FBH1: variants seen among roughly 807,000 people sequenced by gnomAD.
FBH1 encodes the protein F-box DNA helicase 1.
In FBH1, 43 loss-of-function variants were observed where a neutral mutation model predicts 115.5. The ratio of observed to expected loss-of-function variants is 0.37; its 90% CI spans 0.29 to 0.48. The LOEUF is 0.48. FBH1 is among the 20% of genes least tolerant of loss of function. The pLI is 0.99. For synonymous variants in FBH1, 524 were observed against 507.8 expected, an observed-to-expected ratio of 1.03 and a Z score of -0.43; for missense variants, 1,001 against 1,337.3, an observed-to-expected ratio of 0.75 and a Z score of 3.92.
Position 5,900,455 on chromosome 10 carries a change from G to A in FBH1, c.2-2565G>A, listed in dbSNP as rs114206180. Among the ~76,000 whole-genome samples, 1,169 of 152,268 alleles carry A rather than the reference G, an allele frequency of 7.7e-3. 14 individuals are homozygous for A. The highest frequency in any genetic ancestry group is 0.027 in the African/African-American group (1,115 of 41,554). ...CCAGCCCTCCCGCCAGGCCCTCGCC[G>A]GCTCACCACGCTGCGCTGTGCTGCT... On this transcript the variant is annotated intron_variant, in intron 1 of 20. Coordinates refer to ENST00000362091, the MANE Select transcript of FBH1 (RefSeq NM_178150.3). The surrounding 1 kb of genome is among the most constrained non-coding windows in gnomAD (Gnocchi z 4.2).
Position 5,911,830 on chromosome 10 carries a change from A to G in FBH1, c.1211+702A>G, listed in dbSNP as rs183268463. Among the ~76,000 whole-genome samples the G allele has an allele frequency of 1.1e-4, 17 of 152,264 alleles. No homozygotes were observed. The highest frequency in any genetic ancestry group is 3.4e-4 in the African/African-American group (14 of 41,556). On this transcript the variant is annotated intron_variant, in intron 6 of 20. Transcript: ENST00000362091. The surrounding 1 kb of genome is among the most constrained non-coding windows in gnomAD (Gnocchi z 5.4). ...TGAATGCTGCTTTAGAGGGGTGGAA[A>G]AAGCTTCTCTGAGCAGGTAGTGTCT...
At position 5,890,312 on chromosome 10, in the gene FBH1, G is replaced by T; in HGVS notation, c.-34G>T. The T allele has an allele frequency of 2.7e-6, 1 of 376,612 alleles. No individual in the cohort carries two copies. The highest frequency in any genetic ancestry group is 4.0e-5 in the East Asian group (1 of 24,960). The allele number at this position is 376,612 out of a possible 1,614,324, so 23.3% of individuals were successfully genotyped here. A position where few individuals can be genotyped will look rare whatever the true frequency, so the allele number is the denominator to read the frequency against. ...AGCGGCCGGCGGCGCGGGCCCGGCGGCGGCGGCAGCGGGGTCCGGGTCCGG... is the reference window on the plus strand; with the variant it reads ...AGCGGCCGGCGGCGCGGGCCCGGCGTCGGCGGCAGCGGGGTCCGGGTCCGG... On this transcript the variant is annotated 5_prime_UTR_variant, in exon 1 of 21. Transcript: ENST00000362091.
At position 5,910,891 on chromosome 10, in the gene FBH1, C is replaced by T. The variant is rs7067928; in HGVS notation, c.1021-47C>T. 0.31 allele frequency: 469,085 copies of T among 1,536,190 alleles called. 76,423 individuals are homozygous for T. Among genetic ancestry groups the T allele is most frequent in the Middle Eastern group, 0.35 (1,718 of 4,910 alleles). On this transcript the variant is annotated intron_variant, in intron 5 of 20. Transcript: ENST00000362091. The surrounding 1 kb of genome is among the most constrained non-coding windows in gnomAD (Gnocchi z 4.8). ...TCCTTCCTGCTGTGATTCGTATTAA[C>T]CATGGCCTGTGGGCTGTCCCTCCCT...
chr10:5,917,826 C>G lies in FBH1; in HGVS notation c.1963+150C>G. ...ACTTACCTTAGGATTTCAAGCTGCCCCTTCCCCTCACCCAAGCAGATTTCT... is the reference window on the plus strand; with the variant it reads ...ACTTACCTTAGGATTTCAAGCTGCCGCTTCCCCTCACCCAAGCAGATTTCT... On this transcript the variant is annotated intron_variant, in intron 12 of 20. Transcript: ENST00000362091. The surrounding 1 kb of genome is among the most constrained non-coding windows in gnomAD (Gnocchi z 5.6). 1 of 715,946 alleles carries G rather than the reference C, an allele frequency of 1.4e-6. No individual in the cohort carries two copies. The allele number at this position is 715,946 out of a possible 1,614,324, so 44.3% of individuals were successfully genotyped here.
chr10:5,934,178 TA>T (rs1436081846), intron 19 of FBH1: 2 of 152,194 alleles, frequency 1.3e-5, no homozygotes, highest in African/African-American at 2.4e-5. Context: ...CCTAGAACGA[TA>T]AGCCCCTTTA....
At position 5,906,029 on chromosome 10, in the gene FBH1, C is replaced by G; in HGVS notation, c.158-8C>G. 6.3e-7 allele frequency: 1 copy of G among 1,596,362 alleles called. No individual in the cohort carries two copies. The highest frequency in any genetic ancestry group is 1.7e-4 in the Middle Eastern group (1 of 6,014). ...TTCTTGTCCATCCTGTTTGGGTTCT[C>G]TCTACAGGTCAGGGAAGTCAAAGAT... On this transcript the variant is annotated splice_polypyrimidine_tract_variant and splice_region_variant and intron_variant, in intron 2 of 20. Transcript: ENST00000362091. The surrounding 1 kb of genome is among the most constrained non-coding windows in gnomAD (Gnocchi z 7.3).
Position 5,925,182 on chromosome 10 carries a change from CT to C in FBH1, c.2597-179del. 1 of 706,018 alleles carries C rather than the reference CT, an allele frequency of 1.4e-6. No homozygotes were observed. Among genetic ancestry groups the C allele is most frequent in the African/African-American group, 1.8e-5 (1 of 54,906 alleles). The allele number at this position is 706,018 out of a possible 1,614,324, so 43.7% of individuals were successfully genotyped here. Reference sequence around the variant, plus strand: ...TTTCGACTTTTCCCCTCGTCTTTTTCTTTTTTCTGTTCCCGACAGTTGTCTG... The same window carrying C: ...TTTCGACTTTTCCCCTCGTCTTTTTCTTTTTCTGTTCCCGACAGTTGTCTG... On this transcript the variant is annotated intron_variant, in intron 17 of 20. Transcript: ENST00000362091. This position sits in a 1 kb window ranked among gnomAD's most constrained non-coding sequence, Gnocchi z 4.6.
chr10:5,923,605 CA>C lies in FBH1; in HGVS notation c.2323-10del. On this transcript the variant is annotated splice_polypyrimidine_tract_variant and intron_variant, in intron 15 of 20. Coordinates refer to ENST00000362091, the MANE Select transcript of FBH1 (RefSeq NM_178150.3). This position sits in a 1 kb window ranked among gnomAD's most constrained non-coding sequence, Gnocchi z 5.7. ...AACAACAAAAAAACAAAAATCCCAC[CA>C]AAAAACTTTTTCAGGGGATTAAATC... 3.1e-6 allele frequency: 5 copies of C among 1,602,158 alleles called. No individual in the cohort carries two copies. The South Asian group carries it at 4.5e-5, about 15-fold the overall frequency.
chr10:5,925,357 T>G lies in FBH1; in HGVS notation c.2597-10T>G. ...AGCACCATCTAACGTGTGCTGTGTTTTTATCCTAGAGTACATTCTGGGCAC... is the reference window on the plus strand; with the variant it reads ...AGCACCATCTAACGTGTGCTGTGTTGTTATCCTAGAGTACATTCTGGGCAC... On this transcript the variant is annotated splice_polypyrimidine_tract_variant and intron_variant, in intron 17 of 20. Transcript: ENST00000362091. The surrounding 1 kb of genome is among the most constrained non-coding windows in gnomAD (Gnocchi z 4.6). The G allele has an allele frequency of 6.2e-7, 1 of 1,613,812 alleles. No individual in the cohort carries two copies. The highest frequency in any genetic ancestry group is 1.3e-5 in the African/African-American group (1 of 75,026).
At chr10:5,930,174 C>T (rs1471036519) in intron 19 of FBH1, among the ~76,000 whole-genome samples, 1 of 152,228 alleles carries the variant, frequency 6.6e-6, no homozygotes, top group Non-Finnish European at 1.5e-5. Flanking sequence ...CCCATAACTA[C>T]CATGCCATTT....
intron 3 of FBH1, among the ~76,000 whole-genome samples, chr10:5,907,852 T>C (rs924868931): frequency 2.6e-5 from 4 of 152,350 alleles, no homozygotes; most frequent in South Asian, 4.1e-4. Context: ...TTACATTCCA[T>C]TGTGATTTAA....
rs914099939 is a variant in FBH1, at chr10:5,910,762, C to T, written c.1021-176C>T. 3.9e-5 allele frequency among the ~76,000 whole-genome samples: 6 copies of T among 152,206 alleles called. No individual in the cohort carries two copies. Among genetic ancestry groups the T allele is most frequent in the Non-Finnish European group, 7.3e-5 (5 of 68,042 alleles). ...AAAAGTGATGAGAAGGAGTCCAGGGCGAACAGAAGGGCTCCCCTGTTTCCC... is the reference window on the plus strand; with the variant it reads ...AAAAGTGATGAGAAGGAGTCCAGGGTGAACAGAAGGGCTCCCCTGTTTCCC... On this transcript the variant is annotated intron_variant, in intron 5 of 20. Transcript: ENST00000362091. This position sits in a 1 kb window ranked among gnomAD's most constrained non-coding sequence, Gnocchi z 4.8.
chr10:5,890,769 T>C (rs1411595851), intron 1 of FBH1, among the ~76,000 whole-genome samples: 2 of 151,866 alleles, frequency 1.3e-5, no homozygotes, highest in African/African-American at 4.8e-5. Flanking sequence ...ATCGGTAGCT[T>C]CTCTGCCCCT....
rs1028481205 is a variant in FBH1 at position 5,936,384 on chromosome 10, C to A, written c.2830-72C>A. On this transcript the variant is annotated intron_variant, in intron 19 of 20. Transcript: ENST00000362091. The surrounding 1 kb of genome is among the most constrained non-coding windows in gnomAD (Gnocchi z 5.6). Reference sequence around the variant, plus strand: ...ATCTAAAGGGTTCTCACAGAGCCGCCGCTATCAGTGTTTCCAGTAGACCCT... The same window carrying A: ...ATCTAAAGGGTTCTCACAGAGCCGCAGCTATCAGTGTTTCCAGTAGACCCT... 1.5e-5 allele frequency: 24 copies of A among 1,563,638 alleles called. No homozygotes were observed. Among genetic ancestry groups the A allele is most frequent in the Non-Finnish European group, 2.1e-5 (24 of 1,146,800 alleles).
chr10:5,897,699 G>A lies in FBH1; in HGVS notation c.2-5321G>A, dbSNP rs940333034. ...GTCTAAGCGCCCCTCCCCCGGTACC[G>A]AACCTCAGTTCCTCCCAGGGTGGCT... On this transcript the variant is annotated intron_variant, in intron 1 of 20. Transcript: ENST00000362091. This position sits in a 1 kb window ranked among gnomAD's most constrained non-coding sequence, Gnocchi z 4.7. Among the ~76,000 whole-genome samples, 2 of 152,036 alleles carry A rather than the reference G, an allele frequency of 1.3e-5. No individual in the cohort carries two copies. The highest frequency in any genetic ancestry group is 6.6e-5 in the Admixed American group (1 of 15,260).
At position 5,909,772 on chromosome 10, in the gene FBH1, C is replaced by G. The variant is rs1466748623; in HGVS notation, c.1020+478C>G. On this transcript the variant is annotated intron_variant, in intron 5 of 20. Coordinates refer to ENST00000362091, the MANE Select transcript of FBH1 (RefSeq NM_178150.3). This position sits in a 1 kb window ranked among gnomAD's most constrained non-coding sequence, Gnocchi z 4.4. ...TGCTCCTTTTCCAGTTCAGGGATTC[C>G]CAGATTTTATCTTCGAAGCTACGTG... is the stretch of plus-strand genomic sequence containing the variant. Among the ~76,000 whole-genome samples, 1 of 152,152 alleles carries G rather than the reference C, an allele frequency of 6.6e-6. No homozygotes were observed. Among genetic ancestry groups the G allele is most frequent in the East Asian group, 1.9e-4 (1 of 5,200 alleles).
Position 5,925,642 on chromosome 10 carries a change from C to T in FBH1, c.2722+150C>T. ...ACTAAACCACAAAACACCTCCTAGT[C>T]CTAAACTTTTGATTCTTATACTGTG... On this transcript the variant is annotated intron_variant, in intron 18 of 20. Coordinates refer to ENST00000362091, the MANE Select transcript of FBH1 (RefSeq NM_178150.3). This position sits in a 1 kb window ranked among gnomAD's most constrained non-coding sequence, Gnocchi z 4.6. 8.4e-7 allele frequency: 1 copy of T among 1,189,986 alleles called. No individual in the cohort carries two copies. The highest frequency in any genetic ancestry group is 1.2e-6 in the Non-Finnish European group (1 of 855,670). The allele number at this position is 1,189,986 out of a possible 1,614,324, so 73.7% of individuals were successfully genotyped here.
At chr10:5,894,498 C>T (rs1006904770) in intron 1 of FBH1, 51 of 1,075,900 alleles carry the variant, frequency 4.7e-5, no homozygotes, top group Non-Finnish European at 6.2e-5. Context: ...TCATGAGCTA[C>T]GAGGTGACTT....
chr10:5,903,720 T>C (rs1843517543), intron 2 of FBH1, among the ~76,000 whole-genome samples: 1 of 152,236 alleles, frequency 6.6e-6, no homozygotes, highest in East Asian at 1.9e-4. Flanking sequence ...TGTGTAATTA[T>C]AAAGTGATAG....
Sources: gnomAD v4.1 joint callset for allele counts (sites outside exome capture counted in the v4.1 genomes callset) on GRCh38, gnomAD v4.1.1 for gene constraint, Gnocchi (gnomAD v3.1) non-coding constraint, MANE v1.5 for transcripts, NCBI Gene and HGNC (gene_info 2026-07-23, HGNC 2026-07-21) for gene names.